Variants in USH2A observed in about 807,000 individuals in gnomAD.
USH2A encodes usherin.
USH2A carries 443 observed loss-of-function variants against 538.9 expected under a neutral mutation model. That is an observed-to-expected ratio of 0.82 (90% CI 0.76 to 0.89). The LOEUF is 0.89. Among genes scored for constraint, USH2A ranks in the 40% least tolerant of loss-of-function variants. The probability of loss-of-function intolerance (pLI) is 0.00; values close to 1 mark genes in which losing one functional copy is unlikely to be tolerated. For synonymous variants in USH2A, 2,413 were observed against 2,273.5 expected (o/e 1.06, Z -1.75); for missense variants, 6,633 against 6,324.8 (o/e 1.05, Z -1.65).
intron 36 of USH2A, among the ~76,000 whole-genome samples, chr1:215,969,871 A>T (rs545360441): frequency 6.6e-6 from 1 of 152,268 alleles, no homozygotes; most frequent in Non-Finnish European, 1.5e-5. Flanking sequence ...AATATCTAAG[A>T]CTAATGAGCA....
chr1:215,759,818 A>C lies in USH2A; in HGVS notation c.11073T>G (p.Ile3691Met). The change falls in exon 57 of 72, where the codon ATT becomes ATG. Residue 3691 changes from isoleucine (I) to methionine (M), a missense_variant. Ile to Met is a conservative substitution (Grantham distance 10). Coordinates refer to ENST00000307340, the MANE Select transcript of USH2A (RefSeq NM_206933.4). ...PEGVWVTPRH[I>M]IINSTTVELY... ...ATTCCACTGTTGTAGAATTGATGAT[A>C]ATGTGTCGAGGTGTCACCCAAACTC... The C allele has an allele frequency of 6.2e-7, 1 of 1,613,994 alleles. No homozygotes were observed. The highest frequency in any genetic ancestry group is 1.1e-5 in the South Asian group (1 of 91,074).
chr1:216,128,019 T>C (rs2033290070), intron 21 of USH2A, among the ~76,000 whole-genome samples: 1 of 152,178 alleles, frequency 6.6e-6, no homozygotes, highest in Non-Finnish European at 1.5e-5. Context: ...ATGGGATGTT[T>C]AATTTGCTAA....
chr1:215,707,474 G>A (rs138598942), intron 61 of USH2A, among the ~76,000 whole-genome samples: 120 of 152,286 alleles, frequency 7.9e-4, no homozygotes, highest in African/African-American at 2.8e-3. Flanking sequence ...CCTCTGTGAA[G>A]TACCTGGCAC....
intron 32 of USH2A, among the ~76,000 whole-genome samples, chr1:216,005,767 AAAAG>A (rs1668376296): frequency 6.6e-6 from 1 of 152,152 alleles, no homozygotes; most frequent in Non-Finnish European, 1.5e-5. Flanking sequence ...GCTTCATTGT[AAAAG>A]AAAGAAACAA....
intron 4 of USH2A, among the ~76,000 whole-genome samples, chr1:216,330,299 T>G (rs2037833135): frequency 6.6e-6 from 1 of 152,138 alleles, no homozygotes; most frequent in Non-Finnish European, 1.5e-5. Flanking sequence ...GAATGAGAAA[T>G]TCATATAGTA....
intron 32 of USH2A, among the ~76,000 whole-genome samples, chr1:216,011,403 T>G (rs936969403): frequency 1.3e-5 from 2 of 152,116 alleles, no homozygotes; most frequent in African/African-American, 4.8e-5. Flanking sequence ...CAAGCCCAAA[T>G]TTCATCCTCA....
chr1:215,930,289 T>G (rs990994215), intron 38 of USH2A, among the ~76,000 whole-genome samples: 4 of 152,040 alleles, frequency 2.6e-5, no homozygotes, highest in Non-Finnish European at 5.9e-5. Context: ...AGTATGGAAT[T>G]TGTCACTAAT....
At chr1:215,722,843 C>T (rs79651367) in intron 61 of USH2A, among the ~76,000 whole-genome samples, 1 of 152,160 alleles carries the variant, frequency 6.6e-6, no homozygotes, top group Non-Finnish European at 1.5e-5. Context: ...ATAGTTAGGG[C>T]ACAGATAATA....
At chr1:215,746,551 G>T (rs1660476673) in intron 58 of USH2A, among the ~76,000 whole-genome samples, 1 of 152,130 alleles carries the variant, frequency 6.6e-6, no homozygotes. Flanking sequence ...CCCTATGGCT[G>T]TTGTCACTCG....
In USH2A at chr1:216,316,046, A is replaced by C. The variant is rs543037644; in HGVS notation, c.1644+5837T>G. Among the ~76,000 whole-genome samples the C allele has an allele frequency of 2.6e-5, 4 of 152,242 alleles. No homozygotes were observed. In the South Asian group the frequency reaches 8.3e-4, roughly 32 times the overall value. ...ATTCTAAAAGTATTCTCTATGAGTGAAGTATTTATGGTATGTATCATACAT... is the reference window on the plus strand; with the variant it reads ...ATTCTAAAAGTATTCTCTATGAGTGCAGTATTTATGGTATGTATCATACAT... On this transcript the variant is annotated intron_variant, in intron 9 of 71. Transcript: ENST00000307340.
At chr1:216,092,141 T>C (rs1334790505) in intron 22 of USH2A, among the ~76,000 whole-genome samples, 1 of 152,230 alleles carries the variant, frequency 6.6e-6, no homozygotes, top group Non-Finnish European at 1.5e-5. Flanking sequence ...TTATGAGTAG[T>C]AGTATCCTAC....
At chr1:215,993,189 C>T in intron 34 of USH2A, 22 bp from the exon 35 acceptor site, 1 of 1,613,958 alleles carries the variant, frequency 6.2e-7, no homozygotes, top group Non-Finnish European at 8.5e-7. Context: ...TGCAAAAATG[C>T]TCATTTCACT....
chr1:215,650,849 C>CT, intron 64 of USH2A, 48 bp from the exon 65 acceptor site: 1 of 1,361,082 alleles, frequency 7.3e-7, no homozygotes, highest in Non-Finnish European at 1.0e-6. Flanking sequence ...TACCCTAAGG[C>CT]TGGGAAAAAA....
chr1:216,223,794 A>G (rs2035507408), intron 14 of USH2A, among the ~76,000 whole-genome samples: 2 of 152,190 alleles, frequency 1.3e-5, no homozygotes, highest in Non-Finnish European at 2.9e-5. Flanking sequence ...TTGACAAGGA[A>G]GTTATCTGCT....
intron 27 of USH2A, among the ~76,000 whole-genome samples, chr1:216,074,359 A>T (rs1051261903): frequency 2.6e-5 from 4 of 152,024 alleles, no homozygotes; most frequent in African/African-American, 9.7e-5. Context: ...TCCGAACAAA[A>T]CACTGTAAAG....
rs747775188 is a variant in USH2A at position 216,078,326 on chromosome 1, T to G, written c.5335A>C (p.Asn1779His). The G allele has an allele frequency of 5.6e-6, 9 of 1,613,770 alleles. No individual in the cohort carries two copies. In the Admixed American group the frequency reaches 1.3e-4, roughly 24 times the overall value. ...LKSGILTFRL[N>H]TSLAFTQVDL... ...ACTTGTGTAAAGGCAAGACTGGTATTTAACCGGAAGGTCAATATTCCACTT... is the reference window on the plus strand; with the variant it reads ...ACTTGTGTAAAGGCAAGACTGGTATGTAACCGGAAGGTCAATATTCCACTT... Residue 1779 changes from asparagine to histidine, a missense_variant, in exon 27 of 72, where the codon AAT becomes CAT. Physicochemically the swap from Asn to His is moderately conservative, Grantham distance 68 (BLOSUM62 1). Coordinates refer to ENST00000307340, the MANE Select transcript of USH2A (RefSeq NM_206933.4).
intron 9 of USH2A, among the ~76,000 whole-genome samples, chr1:216,300,544 G>T (rs563586936): frequency 1.3e-5 from 2 of 152,266 alleles, no homozygotes; most frequent in Non-Finnish European, 2.9e-5. Flanking sequence ...AATAGTCATT[G>T]AATCTAGAAG....
intron 64 of USH2A, among the ~76,000 whole-genome samples, chr1:215,667,480 C>T (rs1211546787): frequency 1.3e-5 from 2 of 152,022 alleles, no homozygotes; most frequent in Non-Finnish European, 2.9e-5. Context: ...GGGTGGATCA[C>T]GAAGTTAGGA....
intron 14 of USH2A, among the ~76,000 whole-genome samples, chr1:216,231,259 A>ATT (rs1491391548): frequency 4.1e-5 from 4 of 98,114 alleles, no homozygotes; most frequent in African/African-American, 7.2e-5. Flanking sequence ...TTATATATAT[A>ATT]ATATATATAT....
Sources: gnomAD v4.1 joint callset for allele counts (sites outside exome capture counted in the v4.1 genomes callset) on GRCh38, gnomAD v4.1.1 for gene constraint, MANE v1.5 for transcripts, NCBI Gene and HGNC (gene_info 2026-07-23, HGNC 2026-07-21) for gene names.